Variants in CSMD1 observed in about 807,000 individuals in gnomAD.
CSMD1 encodes the protein CUB and Sushi multiple domains 1.
A neutral mutation model predicts 417.5 loss-of-function variants in CSMD1; 213 were observed. That is an observed-to-expected ratio of 0.51 (90% CI 0.46 to 0.57). The LOEUF is 0.57. CSMD1 is among the 20% of genes least tolerant of loss of function. CSMD1 has a pLI of 0.00. For synonymous variants in CSMD1, 2,862 were observed against 1,736.8 expected, an observed-to-expected ratio of 1.65 and a Z score of -16.11; for missense variants, 6,923 against 4,529.7, an observed-to-expected ratio of 1.53 and a Z score of -15.17.
chr8:4,081,263 A>G (rs762905841), intron 3 of CSMD1, among the ~76,000 whole-genome samples: 20 of 152,190 alleles, frequency 1.3e-4, no homozygotes, highest in Admixed American at 3.9e-4. Context: ...GCTCATTTTG[A>G]AATACGCCCA....
At chr8:4,987,545 C>T (rs542536913) in intron 1 of CSMD1, among the ~76,000 whole-genome samples, 1 of 152,238 alleles carries the variant, frequency 6.6e-6, no homozygotes, top group African/African-American at 2.4e-5. Context: ...GAGGTTGAAG[C>T]TCCCCAAAAT....
chr8:4,864,090 C>T (rs4875399), intron 1 of CSMD1, among the ~76,000 whole-genome samples: 148,460 of 152,022 alleles, frequency 0.98, 72,552 homozygotes, highest in Non-Finnish European at 1. Flanking sequence ...AATTATATAA[C>T]TCAGTCTATA....
intron 2 of CSMD1, among the ~76,000 whole-genome samples, chr8:4,616,192 T>G (rs1016222099): frequency 6.6e-6 from 1 of 152,202 alleles, no homozygotes; most frequent in Non-Finnish European, 1.5e-5. Flanking sequence ...ATACCTAGTT[T>G]TCTTTTTTGA....
chr8:4,780,404 T>C lies in CSMD1; in HGVS notation c.86-142846A>G, dbSNP rs1027963789. ...TGGAACTCAAGGCAGTTCATTCTGA[T>C]TGATCAGTCGATCTGTCTGTCTGTC... On this transcript the variant is annotated intron_variant, in intron 1 of 69. Transcript: ENST00000635120. Among the ~76,000 whole-genome samples, 4 of 150,996 alleles carry C rather than the reference T, an allele frequency of 2.6e-5. No homozygotes were observed. In the South Asian group the frequency reaches 6.3e-4, roughly 24 times the overall value.
intron 58 of CSMD1, 129 bp downstream of exon 58, chr8:2,966,441 A>G (rs964145819): frequency 1.2e-6 from 1 of 824,300 alleles, no homozygotes; most frequent in Non-Finnish European, 1.8e-6. Flanking sequence ...AATGTCACAC[A>G]TAGTTTTCCC....
intron 5 of CSMD1, among the ~76,000 whole-genome samples, chr8:3,880,905 C>T (rs1806163808): frequency 6.6e-6 from 1 of 152,018 alleles, no homozygotes; most frequent in East Asian, 1.9e-4. Context: ...TGAAAGTAAA[C>T]ACAATGTTAT....
intron 3 of CSMD1, among the ~76,000 whole-genome samples, chr8:4,170,384 A>G (rs1432039566): frequency 1.3e-5 from 2 of 151,940 alleles, no homozygotes; most frequent in African/African-American, 4.9e-5. Flanking sequence ...AATTGAATTC[A>G]AGAGCCACCT....
chr8:4,030,604 G>C (rs777963997), intron 4 of CSMD1, among the ~76,000 whole-genome samples: 48 of 152,188 alleles, frequency 3.2e-4, no homozygotes, highest in Admixed American at 1.1e-3. Context: ...TGTGATGGGA[G>C]GGGTTGCTGT....
intron 2 of CSMD1, among the ~76,000 whole-genome samples, chr8:4,497,555 AGGAAAGAC>A (rs1460077536): frequency 6.6e-6 from 1 of 152,134 alleles, no homozygotes; most frequent in Admixed American, 6.5e-5. Flanking sequence ...AGGAGCAGGG[AGGAAAGAC>A]GGATGAGTGG....
At position 3,409,486 on chromosome 8, in the gene CSMD1, C is replaced by T. The variant is rs761595291; in HGVS notation, c.1681G>A (p.Gly561Arg). 6.2e-7 allele frequency: 1 copy of T among 1,611,622 alleles called. No homozygotes were observed. Among genetic ancestry groups the T allele is most frequent in the Non-Finnish European group, 8.5e-7 (1 of 1,178,990 alleles). Residue 561 changes from glycine to arginine, a missense_variant, in exon 13 of 70, where the codon GGG becomes AGG. Physicochemically the swap from Gly to Arg is moderately radical, Grantham distance 125. Coordinates refer to ENST00000635120, the MANE Select transcript of CSMD1 (RefSeq NM_033225.6). Reference sequence around the variant, plus strand: ...TGCTGACAGGTGATAACTCTCTCCCCCACCAGCTCAAAGGCCGCCGGGCAT... The same window carrying T: ...TGCTGACAGGTGATAACTCTCTCCCTCACCAGCTCAAAGGCCGCCGGGCAT... ...FECPAAFELVGERVITCQQNN... is the reference protein window; with the variant it reads ...FECPAAFELVRERVITCQQNN...
chr8:4,348,374 A>C (rs1249763156), intron 3 of CSMD1, among the ~76,000 whole-genome samples: 2 of 152,080 alleles, frequency 1.3e-5, no homozygotes, highest in Non-Finnish European at 2.9e-5. Flanking sequence ...CTACGCTACA[A>C]GTGTTTAAAG....
chr8:3,614,877 G>A (rs539878734), intron 8 of CSMD1, among the ~76,000 whole-genome samples: 2 of 152,286 alleles, frequency 1.3e-5, no homozygotes, highest in African/African-American at 2.4e-5. Context: ...ATGCACTGTT[G>A]TCAACTCTGA....
intron 37 of CSMD1, among the ~76,000 whole-genome samples, chr8:3,167,680 A>C (rs746778589): frequency 6.6e-6 from 1 of 152,248 alleles, no homozygotes; most frequent in African/African-American, 2.4e-5. Context: ...AGCCTATGAA[A>C]GCAAAGAATC....
intron 54 of CSMD1, among the ~76,000 whole-genome samples, chr8:2,982,145 C>T (rs998008252): frequency 2.0e-5 from 3 of 152,096 alleles, no homozygotes; most frequent in African/African-American, 7.2e-5. Context: ...CATTTGAGGT[C>T]AAGAGTTCGA....
intron 1 of CSMD1, among the ~76,000 whole-genome samples, chr8:4,858,416 G>A (rs1472155372): frequency 6.7e-6 from 1 of 150,022 alleles, no homozygotes; most frequent in African/African-American, 2.5e-5. Flanking sequence ...TCTGGCCAGG[G>A]CAATTAGGCA....
At chr8:3,015,598 G>C (rs1377764685) in intron 52 of CSMD1, among the ~76,000 whole-genome samples, 2 of 151,922 alleles carry the variant, frequency 1.3e-5, no homozygotes, top group South Asian at 2.1e-4. Flanking sequence ...ATGGCGTCTT[G>C]TGAAATTATA....
At chr8:4,003,946 AAAAC>A (rs1259388226) in intron 4 of CSMD1, among the ~76,000 whole-genome samples, 1 of 60,022 alleles carries the variant, frequency 1.7e-5, no homozygotes, top group Non-Finnish European at 4.0e-5. Flanking sequence ...AAAACAGAAC[AAAAC>A]AAAAAAACCA....
chr8:3,422,285 C>T (rs1199949624), intron 12 of CSMD1, among the ~76,000 whole-genome samples: 1 of 152,102 alleles, frequency 6.6e-6, no homozygotes, highest in Non-Finnish European at 1.5e-5. Context: ...TTCTGGGTAC[C>T]TGATCAATGC....
At chr8:3,893,945 C>A (rs752568709) in intron 5 of CSMD1, among the ~76,000 whole-genome samples, 1 of 151,866 alleles carries the variant, frequency 6.6e-6, no homozygotes, top group African/African-American at 2.4e-5. Context: ...ACGTGTGCAC[C>A]CAGAGGACCA....
Sources: gnomAD v4.1 joint callset for allele counts (sites outside exome capture counted in the v4.1 genomes callset) on GRCh38, gnomAD v4.1.1 for gene constraint, MANE v1.5 for transcripts, NCBI Gene and HGNC (gene_info 2026-07-23, HGNC 2026-07-21) for gene names.